NAV2: variants seen among roughly 807,000 people sequenced by gnomAD.
NAV2 encodes neuron navigator 2.
NAV2 carries 54 observed loss-of-function variants against 223.2 expected under a neutral mutation model. The observed-to-expected ratio is 0.24, with a 90% CI of 0.19 to 0.30. The LOEUF (loss-of-function observed/expected upper bound fraction) is 0.30. Among genes scored for constraint, NAV2 ranks in the 10% least tolerant of loss-of-function variants. NAV2 has a pLI of 1.00. For missense variants in NAV2, 2,806 were observed against 3,147.5 expected (o/e 0.89, Z 2.60); for synonymous variants, 1,279 against 1,239.3 (o/e 1.03, Z -0.67).
intron 11 of NAV2, among the ~76,000 whole-genome samples, chr11:20,031,081 C>T (rs576339590): frequency 4.4e-4 from 67 of 152,230 alleles, no homozygotes; most frequent in South Asian, 2.1e-3. Context: ...GGTTTTTCTC[C>T]GACTGTTTCA....
chr11:19,731,998 G>A lies in NAV2; in HGVS notation c.267+18036G>A, dbSNP rs977525450. Among the ~76,000 whole-genome samples, 3 of 152,122 alleles carry A rather than the reference G, an allele frequency of 2.0e-5. No individual in the cohort carries two copies. The East Asian group carries it at 5.8e-4, about 29-fold the overall frequency. ...TGTTTGCAAAGGATAATGATTAAGA[G>A]TATGGGCTGGGAGGCTGAGGTGAGT... On this transcript the variant is annotated intron_variant, in intron 1 of 37. Transcript: ENST00000349880.
At chr11:19,908,095 C>T (rs1014971797) in intron 6 of NAV2, among the ~76,000 whole-genome samples, 6 of 152,190 alleles carry the variant, frequency 3.9e-5, no homozygotes, top group African/African-American at 1.2e-4. Context: ...CACTGCTGGC[C>T]GGAAACTGAT....
chr11:19,503,885 A>G (rs1414218789), intron 1 of NAV2: 1 of 152,244 alleles, frequency 6.6e-6, no homozygotes, highest in East Asian at 1.9e-4. Flanking sequence ...AAGACAAGCT[A>G]CAGAAGCGGG....
At chr11:19,667,275 G>A (rs1460230284) in intron 1 of NAV2, among the ~76,000 whole-genome samples, 5 of 152,206 alleles carry the variant, frequency 3.3e-5, no homozygotes, top group African/African-American at 7.2e-5. Context: ...GCTAGATCCC[G>A]TTGTAGACTC....
chr11:20,083,030 T>C lies in NAV2; in HGVS notation c.5349T>C (p.Ala1783=), dbSNP rs1193191443. Reference sequence around the variant, plus strand: ...AGTTACGCAGCTCCTTCAAGCAAGCTTTCGGGAAGAAGAAGTCCCCAAAAT... The same window carrying C: ...AGTTACGCAGCTCCTTCAAGCAAGCCTTCGGGAAGAAGAAGTCCCCAAAAT... ...KNWLRSSFKQ[A]FGKKKSPKSA... Residue 1783 remains alanine, a synonymous_variant, in exon 26 of 38, where the codon GCT becomes GCC. Transcript: ENST00000349880. The C allele has an allele frequency of 6.2e-7, 1 of 1,613,754 alleles. No individual in the cohort carries two copies. Among genetic ancestry groups the C allele is most frequent in the East Asian group, 2.2e-5 (1 of 44,884 alleles).
chr11:20,100,524 C>CATAGGT (rs1040356101), intron 31 of NAV2, among the ~76,000 whole-genome samples: 3 of 148,328 alleles, frequency 2.0e-5, no homozygotes, highest in African/African-American at 7.5e-5. Flanking sequence ...GGGCAGATGC[C>CATAGGT]ATAGGTATAG....
chr11:19,484,377 C>T (rs529142502), intron 1 of NAV2, among the ~76,000 whole-genome samples: 2 of 152,300 alleles, frequency 1.3e-5, no homozygotes, highest in East Asian at 3.9e-4. Context: ...TCCACTATTC[C>T]AAAGCTCTGG....
At chr11:19,379,977 A>G (rs1313966743) in intron 1 of NAV2, among the ~76,000 whole-genome samples, 2 of 151,784 alleles carry the variant, frequency 1.3e-5, no homozygotes, top group South Asian at 4.1e-4. Flanking sequence ...ATAGACATAT[A>G]TAATAAAATT....
At chr11:19,558,973 G>A (rs542356823) in intron 1 of NAV2, among the ~76,000 whole-genome samples, 18 of 152,164 alleles carry the variant, frequency 1.2e-4, no homozygotes, top group Non-Finnish European at 2.2e-4. Flanking sequence ...GCCTCTTACC[G>A]CCTTGCCTGG....
chr11:19,969,983 C>G (rs773674901), intron 10 of NAV2, among the ~76,000 whole-genome samples: 10 of 151,850 alleles, frequency 6.6e-5, no homozygotes, highest in Non-Finnish European at 1.5e-4. Flanking sequence ...AAATTAACAA[C>G]AGTAACTAAC....
At chr11:20,010,347 T>A (rs2053463028) in intron 11 of NAV2, among the ~76,000 whole-genome samples, 1 of 152,198 alleles carries the variant, frequency 6.6e-6, no homozygotes, top group African/African-American at 2.4e-5. Context: ...CTCCCGTGGA[T>A]CAGGACTGCA....
chr11:20,052,992 G>A (rs190232620), intron 17 of NAV2, among the ~76,000 whole-genome samples: 1 of 152,074 alleles, frequency 6.6e-6, no homozygotes, highest in Non-Finnish European at 1.5e-5. Context: ...TGAGGTAGGT[G>A]GATCACTTGA....
chr11:19,977,802 T>TTTTC (rs1555176894), intron 10 of NAV2, among the ~76,000 whole-genome samples: 6 of 141,494 alleles, frequency 4.2e-5, no homozygotes, highest in African/African-American at 1.6e-4. Context: ...TTTTTTCTTT[T>TTTTC]TTTTTTTTTT....
chr11:19,582,777 T>C (rs990543406), intron 1 of NAV2, among the ~76,000 whole-genome samples: 1 of 152,314 alleles, frequency 6.6e-6, no homozygotes, highest in South Asian at 2.1e-4. Flanking sequence ...AGCCTTGTAG[T>C]ATAGTTTGAA....
chr11:19,878,781 T>C (rs1446607148), intron 4 of NAV2, among the ~76,000 whole-genome samples: 2 of 152,222 alleles, frequency 1.3e-5, no homozygotes, highest in African/African-American at 2.4e-5. Flanking sequence ...ACTCCATTCA[T>C]ACTTTCTGCC....
At chr11:20,014,179 G>A (rs2436188) in intron 11 of NAV2, among the ~76,000 whole-genome samples, 151,868 of 152,220 alleles carry the variant, frequency 1, 75,762 homozygotes, top group Middle Eastern at 1. Context: ...CCTTCTCCCC[G>A]ATTACACTTC....
intron 1 of NAV2, among the ~76,000 whole-genome samples, chr11:19,617,449 G>A (rs996943764): frequency 1.3e-5 from 2 of 152,152 alleles, no homozygotes; most frequent in African/African-American, 2.4e-5. Flanking sequence ...GGGATAACAG[G>A]CTGCTTGCTG....
At chr11:19,984,906 G>C (rs1048794768) in intron 11 of NAV2, among the ~76,000 whole-genome samples, 7 of 152,188 alleles carry the variant, frequency 4.6e-5, no homozygotes, top group Non-Finnish European at 8.8e-5. Context: ...ATGAAGTGAG[G>C]AGTTTGGACT....
chr11:19,847,332 A>C (rs962274141), intron 3 of NAV2, among the ~76,000 whole-genome samples: 1 of 152,140 alleles, frequency 6.6e-6, no homozygotes, highest in Non-Finnish European at 1.5e-5. Context: ...AGAAGTGCAA[A>C]GTTAGGGAGG....
Sources: gnomAD v4.1 joint callset for allele counts (sites outside exome capture counted in the v4.1 genomes callset) on GRCh38, gnomAD v4.1.1 for gene constraint, MANE v1.5 for transcripts, NCBI Gene and HGNC (gene_info 2026-07-23, HGNC 2026-07-21) for gene names.